EMC3: variants seen among roughly 807,000 people sequenced by gnomAD.
EMC3 encodes ER membrane protein complex subunit 3, also known as 30 kDa protein.
EMC3 carries 13 observed loss-of-function variants against 36.6 expected under a neutral mutation model. That is an observed-to-expected ratio of 0.35 (90% CI 0.23 to 0.56). The LOEUF (loss-of-function observed/expected upper bound fraction) is 0.56. Among genes scored for constraint, EMC3 ranks in the 20% least tolerant of loss-of-function variants. EMC3 has a pLI of 0.84. For synonymous variants in EMC3, 120 were observed against 111.9 expected (o/e 1.07, Z -0.46); for missense variants, 220 against 324.5 (o/e 0.68, Z 2.47).
chr3:10,006,905 G>A (rs917047058), intron 1 of EMC3: 12 of 335,138 alleles, frequency 3.6e-5, no homozygotes, highest in African/African-American at 1.1e-4. Context: ...CCAGGTTGTC[G>A]TCTGCCCGGC....
In EMC3 at chr3:9,976,229, C is replaced by T. The variant is rs375117103; in HGVS notation, c.307+728G>A. Among the ~76,000 whole-genome samples, 23 of 152,198 alleles carry T rather than the reference C, an allele frequency of 1.5e-4. 1 individual carries two copies. The East Asian group carries it at 2.9e-3, about 19-fold the overall frequency. The stretch of plus-strand genomic sequence containing the variant: ...TCAAGCAATTTCCTGCCTCAGCCTC[C>T]GGGGTAGCTGGGACTACAGGCACCC... On this transcript the variant is annotated intron_variant, in intron 3 of 7. Transcript: ENST00000245046.
chr3:9,985,731 T>C (rs764489414), intron 1 of EMC3, among the ~76,000 whole-genome samples: 8 of 151,996 alleles, frequency 5.3e-5, no homozygotes, highest in Non-Finnish European at 5.9e-5. Flanking sequence ...CTGTCTCTAC[T>C]AAAAATACAA....
At chr3:9,987,419 G>T, upstream of EMC3, 3 of 422,026 alleles carry the variant, frequency 7.1e-6, no homozygotes, top group Non-Finnish European at 9.5e-6. Context: ...GTCCCCACAG[G>T]TACCTTTCTG....
At chr3:10,009,037 T>G (rs1282611460) in intron 1 of EMC3, 1 of 152,896 alleles carries the variant, frequency 6.5e-6, no homozygotes, top group African/African-American at 2.4e-5. Context: ...TAAGCTTATT[T>G]GCCTGTCCAA....
At chr3:9,982,138 T>C (rs2085918383) in intron 1 of EMC3, among the ~76,000 whole-genome samples, 1 of 151,560 alleles carries the variant, frequency 6.6e-6, no homozygotes, top group African/African-American at 2.4e-5. Flanking sequence ...TTAGTAGAGA[T>C]GGGGTTTCGC....
intron 1 of EMC3, among the ~76,000 whole-genome samples, chr3:9,979,820 G>C (rs185733823): frequency 6.6e-6 from 1 of 152,262 alleles, no homozygotes; most frequent in South Asian, 2.1e-4. Flanking sequence ...TCTTCAGGAT[G>C]AGTGAGGATT....
At position 9,972,720 on chromosome 3, in the gene EMC3, G is replaced by A. The variant is rs530616056; in HGVS notation, c.494+908C>T. Among the ~76,000 whole-genome samples, 110 of 151,114 alleles carry A rather than the reference G, an allele frequency of 7.3e-4. 1 individual carries two copies. In the South Asian group the frequency reaches 0.018, roughly 25 times the overall value. The stretch of plus-strand genomic sequence containing the variant: ...AGGAGGTGGAGGTTGCAGTGATATC[G>A]CACCGCTGCACTCCAAGCTGGGTGA... On this transcript the variant is annotated intron_variant, in intron 5 of 7. Transcript: ENST00000245046.
intron 7 of EMC3, among the ~76,000 whole-genome samples, chr3:9,965,685 A>G (rs189881124): frequency 1.8e-4 from 27 of 152,018 alleles, no homozygotes; most frequent in African/African-American, 6.3e-4. Context: ...ACCTCCCACA[A>G]CCTCTGGCAA....
At chr3:9,974,921 C>T (rs1158796401) in intron 3 of EMC3, among the ~76,000 whole-genome samples, 2 of 112,690 alleles carry the variant, frequency 1.8e-5, no homozygotes, top group Admixed American at 1.0e-4. Context: ...AGTGCAGTGG[C>T]ATGATCTCAG....
chr3:9,999,696 G>A (rs550478001), intron 1 of EMC3, among the ~76,000 whole-genome samples: 2 of 152,232 alleles, frequency 1.3e-5, no homozygotes, highest in Non-Finnish European at 2.9e-5. Context: ...TTATGTTTTC[G>A]AATGGTTCTT....
upstream of EMC3, among the ~76,000 whole-genome samples, chr3:9,990,325 C>CTCTCTT (rs756491768): frequency 4.5e-4 from 40 of 88,690 alleles, no homozygotes; most frequent in African/African-American, 2.3e-3. Flanking sequence ...GGGCCTTTCT[C>CTCTCTT]TTTTTTTTTT....
At chr3:9,974,562 A>G in intron 3 of EMC3, 74 bp from the exon 4 acceptor site, 1 of 1,097,194 alleles carries the variant, frequency 9.1e-7, no homozygotes, top group South Asian at 1.3e-5. Context: ...GATTTTCTGT[A>G]AACTGTTTTT....
intron 1 of EMC3, chr3:9,993,144 T>A (rs1250590333): frequency 3.1e-6 from 2 of 643,584 alleles, no homozygotes; most frequent in South Asian, 1.9e-5. Flanking sequence ...ATTAACATTT[T>A]AATTGTCTAT....
chr3:9,979,170 T>C (rs2059513271), intron 1 of EMC3, among the ~76,000 whole-genome samples: 2 of 152,164 alleles, frequency 1.3e-5, no homozygotes, highest in South Asian at 4.2e-4. Context: ...TACATTCTGC[T>C]CCCTGGATGC....
At chr3:10,008,312 T>G in intron 1 of EMC3, 2 of 967,042 alleles carry the variant, frequency 2.1e-6, no homozygotes, top group Non-Finnish European at 2.9e-6. Context: ...TTCCAGCCCA[T>G]AGAGCTGGGC....
chr3:9,978,505 A>G (rs1427443276), intron 1 of EMC3, among the ~76,000 whole-genome samples: 1 of 152,086 alleles, frequency 6.6e-6, no homozygotes, highest in Non-Finnish European at 1.5e-5. Flanking sequence ...ACGTGAAAAA[A>G]AATTATGAAC....
rs549269132 is a variant in EMC3 at position 10,008,086 on chromosome 3, C to A, written c.-242+2937G>T. On this transcript the variant is annotated intron_variant, in intron 1 of 8. Transcript: ENST00000470827. ...TCCCTCCACCCAATGCCAGTTTGTA[C>A]CCCCAGAAAGAGGGCCCCTGTGGGT... 1.3e-3 allele frequency among the ~76,000 whole-genome samples: 198 copies of A among 152,298 alleles called. 7 individuals are homozygous for A. In the South Asian group the frequency reaches 0.039, roughly 30 times the overall value.
At chr3:9,985,062 T>C (rs1268359771) in intron 1 of EMC3, among the ~76,000 whole-genome samples, 23 of 152,250 alleles carry the variant, frequency 1.5e-4, no homozygotes, top group Non-Finnish European at 8.8e-5. Flanking sequence ...CTGAAAATGT[T>C]ACAGTAGTGC....
intron 3 of EMC3, among the ~76,000 whole-genome samples, chr3:9,974,771 G>A (rs1467882666): frequency 6.6e-6 from 1 of 151,598 alleles, no homozygotes; most frequent in African/African-American, 2.4e-5. Context: ...TGTCAGCCAG[G>A]ATGGTCTTGA....
Sources: gnomAD v4.1 joint callset for allele counts (sites outside exome capture counted in the v4.1 genomes callset) on GRCh38, gnomAD v4.1.1 for gene constraint, MANE v1.5 for transcripts, NCBI Gene and HGNC (gene_info 2026-07-23, HGNC 2026-07-21) for gene names.